Variants in ADAM32 observed in about 807,000 individuals in gnomAD.
The protein encoded by ADAM32 is ADAM metallopeptidase domain 32.
Under a neutral mutation model 114.9 loss-of-function variants are expected in ADAM32, and 89 were observed. That is an observed-to-expected ratio of 0.77 (90% CI 0.65 to 0.92). The LOEUF (loss-of-function observed/expected upper bound fraction) is 0.92. Among genes scored for constraint, ADAM32 ranks in the 40% least tolerant of loss-of-function variants. The pLI is 0.00. For synonymous variants in ADAM32, 285 were observed against 307.5 expected (o/e 0.93, Z 0.77); for missense variants, 870 against 932.8 (o/e 0.93, Z 0.88).
intron 2 of ADAM32, among the ~76,000 whole-genome samples, chr8:39,135,752 C>G (rs183495129): frequency 2.6e-4 from 40 of 152,230 alleles, no homozygotes; most frequent in Admixed American, 1.4e-3. Flanking sequence ...TAGAACACCC[C>G]TCAATTTGGA....
intron 1 of ADAM32, among the ~76,000 whole-genome samples, chr8:39,114,407 T>G (rs1356487338): frequency 2.6e-5 from 4 of 152,164 alleles, no homozygotes; most frequent in Non-Finnish European, 5.9e-5. Flanking sequence ...CTGGGTCAGG[T>G]GTAGGAACCA....
chr8:39,204,194 G>T lies in ADAM32; in HGVS notation c.1053-6950G>T, dbSNP rs188975442. ...ATGTTGGCCTGCCTTGCTAGATTGG[G>T]GAAGTTCTCCTGGATAATATCCTGC... On this transcript the variant is annotated intron_variant, in intron 11 of 24. Transcript: ENST00000379907. Among the ~76,000 whole-genome samples the T allele has an allele frequency of 6.2e-4, 95 of 152,206 alleles. 1 individual carries two copies. Among genetic ancestry groups the T allele is most frequent in the African/African-American group, 2.2e-3 (92 of 41,536 alleles).
intron 21 of ADAM32, among the ~76,000 whole-genome samples, chr8:39,275,346 T>C (rs1245604180): frequency 6.6e-6 from 1 of 152,232 alleles, no homozygotes; most frequent in Admixed American, 6.5e-5. Context: ...AATGGCCTTT[T>C]CTTTCATAAA....
intron 14 of ADAM32, among the ~76,000 whole-genome samples, chr8:39,229,749 G>C (rs1430168482): frequency 1.3e-5 from 2 of 152,018 alleles, no homozygotes; most frequent in Non-Finnish European, 2.9e-5. Context: ...CATAATAATA[G>C]TGGGGGACTT....
At position 39,270,885 on chromosome 8, in the gene ADAM32, G is replaced by A. The variant is rs536517650; in HGVS notation, c.2172G>A (p.Ser724=). 103 of 1,609,790 alleles carry A rather than the reference G, an allele frequency of 6.4e-5. No homozygotes were observed. Among genetic ancestry groups the A allele is most frequent in the East Asian group, 5.4e-4 (24 of 44,706 alleles). The change falls in exon 20 of 25, where the codon TCG becomes TCA. Residue 724 remains serine, a synonymous_variant. Coordinates refer to ENST00000379907, the MANE Select transcript of ADAM32 (RefSeq NM_145004.7). ...TTCAATTTCTTTTTAGATCTAAATC[G>A]GAAGGTAGCACACAGACATATGCCA... ...EEEFPSSESK[S]EGSTQTYASQ...
rs140929575 is a variant in ADAM32, at chr8:39,233,326, C to G, written c.1635-573C>G. Among the ~76,000 whole-genome samples, 11 of 152,308 alleles carry G rather than the reference C, an allele frequency of 7.2e-5. No homozygotes were observed. In the East Asian group the frequency reaches 2.1e-3, roughly 29 times the overall value. On this transcript the variant is annotated intron_variant, in intron 15 of 24. Transcript: ENST00000379907. Reference sequence around the variant, plus strand: ...TTCCAGGAAAGGAGTGGGCAATTCCCAGAACTGAGGGTTCTTCTCCTTTGT... The same window carrying G: ...TTCCAGGAAAGGAGTGGGCAATTCCGAGAACTGAGGGTTCTTCTCCTTTGT...
chr8:39,130,841 A>C, intron 2 of ADAM32: 1 of 456,650 alleles, frequency 2.2e-6, no homozygotes, highest in Non-Finnish European at 4.4e-6. Flanking sequence ...TGCACTTGAA[A>C]AGAATATGAA....
At chr8:39,182,532 CTT>C (rs769403972) in intron 10 of ADAM32, among the ~76,000 whole-genome samples, 6 of 152,122 alleles carry the variant, frequency 3.9e-5, no homozygotes, top group Non-Finnish European at 8.8e-5. Flanking sequence ...GGTGAGAATG[CTT>C]AACATTCACT....
chr8:39,246,475 G>A (rs1232370046), intron 17 of ADAM32, among the ~76,000 whole-genome samples: 1 of 152,130 alleles, frequency 6.6e-6, no homozygotes, highest in Non-Finnish European at 1.5e-5. Context: ...TGTAATTCCT[G>A]TGTCTGTGAA....
chr8:39,161,015 G>T, intron 7 of ADAM32, 50 bp downstream of exon 7: 1 of 1,442,848 alleles, frequency 6.9e-7, no homozygotes, highest in Admixed American at 2.3e-5. Flanking sequence ...CCAAATGTAT[G>T]ATTATGCCTA....
At chr8:39,151,619 A>G (rs540658012) in intron 6 of ADAM32, 71 bp downstream of exon 6, 1 of 1,100,548 alleles carries the variant, frequency 9.1e-7, no homozygotes, top group Non-Finnish European at 1.2e-6. Flanking sequence ...TAAAAAATAA[A>G]TTTATAAGCC....
chr8:39,195,420 G>T (rs7003066), intron 11 of ADAM32, among the ~76,000 whole-genome samples: 1 of 152,222 alleles, frequency 6.6e-6, no homozygotes, highest in Non-Finnish European at 1.5e-5. Context: ...TTTGCTGTAC[G>T]TAAGTTTTTT....
intron 3 of ADAM32, among the ~76,000 whole-genome samples, chr8:39,137,748 G>A (rs575930036): frequency 1.4e-5 from 2 of 145,626 alleles, no homozygotes; most frequent in Admixed American, 7.0e-5. Context: ...GCCAGCCTGG[G>A]TGACAGAGTG....
intron 12 of ADAM32, chr8:39,221,094 T>C (rs935734463): frequency 6.6e-6 from 1 of 152,124 alleles, no homozygotes; most frequent in African/African-American, 2.4e-5. Context: ...TCACCAGTGT[T>C]GGGTGCACTG....
At chr8:39,284,424 C>T (rs1813653733) in intron 24 of ADAM32, among the ~76,000 whole-genome samples, 1 of 151,502 alleles carries the variant, frequency 6.6e-6, no homozygotes, top group Non-Finnish European at 1.5e-5. Context: ...CACACACACA[C>T]GGAGTAATTG....
chr8:39,265,187 G>A lies in ADAM32; in HGVS notation c.2163-5689G>A, dbSNP rs570115045. On this transcript the variant is annotated intron_variant, in intron 19 of 24. Transcript: ENST00000379907. ...TTATGAATCCAGGTGTTACACTGTT[G>A]GGCCCATATATATTTAGGATCATTA... 5.9e-5 allele frequency among the ~76,000 whole-genome samples: 9 copies of A among 152,200 alleles called. 1 individual carries two copies. Among genetic ancestry groups the A allele is most frequent in the African/African-American group, 2.2e-4 (9 of 41,510 alleles).
intron 6 of ADAM32, among the ~76,000 whole-genome samples, chr8:39,152,731 A>AG (rs1803913078): frequency 1.4e-4 from 1 of 7,330 alleles, no homozygotes; most frequent in African/African-American, 1.7e-4. Context: ...AAAAAAAAAA[A>AG]AAAAAAAAAA....
chr8:39,158,037 C>T, intron 6 of ADAM32: 1 of 265,564 alleles, frequency 3.8e-6, no homozygotes, highest in Admixed American at 4.2e-5. Context: ...GACTGGTGAC[C>T]TCTTTGTAGC....
At chr8:39,275,386 A>G (rs1204631680) in intron 21 of ADAM32, among the ~76,000 whole-genome samples, 3 of 152,152 alleles carry the variant, frequency 2.0e-5, no homozygotes, top group Non-Finnish European at 4.4e-5. Flanking sequence ...GTTGTTTTGC[A>G]CTATTTCTCT....
Sources: allele counts gnomAD v4.1 joint callset (sites outside exome capture counted in the v4.1 genomes callset), GRCh38; gene constraint gnomAD v4.1.1; transcripts MANE v1.5; gene names NCBI Gene and HGNC (gene_info 2026-07-23, HGNC 2026-07-21).